The following TNRC6A variants were observed in gnomAD, a reference collection of about 807,000 sequenced individuals.
TNRC6A encodes trinucleotide repeat containing adaptor 6A.
A neutral mutation model predicts 221.2 loss-of-function variants in TNRC6A; 44 were observed. The observed-to-expected ratio is 0.20, with a 90% confidence interval of 0.16 to 0.26. TNRC6A has a LOEUF of 0.26. TNRC6A is among the 10% of genes least tolerant of loss of function. The probability of loss-of-function intolerance (pLI) is 1.00; values close to 1 mark genes in which losing one functional copy is unlikely to be tolerated. For synonymous variants in TNRC6A, 847 were observed against 838.5 expected (o/e 1.01, Z -0.18); for missense variants, 2,199 against 2,404.4 (o/e 0.91, Z 1.79).
At chr16:24,708,995 G>A (rs2056152486) in intron 2 of TNRC6A, among the ~76,000 whole-genome samples, 1 of 152,122 alleles carries the variant, frequency 6.6e-6, no homozygotes, top group South Asian at 2.1e-4. Context: ...AGTGGCTCAC[G>A]CCTGTAATCC....
At chr16:24,683,193 G>A (rs2055566557) in intron 2 of TNRC6A, among the ~76,000 whole-genome samples, 1 of 151,866 alleles carries the variant, frequency 6.6e-6, no homozygotes, top group Non-Finnish European at 1.5e-5. Context: ...GTGTTTTTTT[G>A]TTGTTGTTAC....
chr16:24,717,567 C>A (rs562262774), intron 2 of TNRC6A, among the ~76,000 whole-genome samples: 1 of 152,178 alleles, frequency 6.6e-6, no homozygotes, highest in African/African-American at 2.4e-5. Context: ...CAGGCCCGAG[C>A]ATCATGGAAA....
intron 2 of TNRC6A, among the ~76,000 whole-genome samples, chr16:24,743,882 A>G (rs572115289): frequency 6.3e-4 from 96 of 152,326 alleles, no homozygotes; most frequent in African/African-American, 2.3e-3. Context: ...CACAGTCTTA[A>G]TAGCAGATCT....
intron 1 of TNRC6A, among the ~76,000 whole-genome samples, chr16:24,639,831 G>GT (rs2141742255): frequency 6.6e-6 from 1 of 152,078 alleles, no homozygotes; most frequent in East Asian, 1.9e-4. Flanking sequence ...TTGTTTGTCT[G>GT]TTTTTTGTAG....
chr16:24,782,618 C>T (rs930673026), intron 5 of TNRC6A, among the ~76,000 whole-genome samples: 2 of 152,190 alleles, frequency 1.3e-5, no homozygotes, highest in Non-Finnish European at 2.9e-5. Context: ...TGGCTCATGC[C>T]TGTAATCCCA....
chr16:24,692,797 G>C (rs1242918018), intron 2 of TNRC6A, among the ~76,000 whole-genome samples: 1 of 151,820 alleles, frequency 6.6e-6, no homozygotes, highest in Non-Finnish European at 1.5e-5. Context: ...ATTTACACAA[G>C]AGGCAGTCAA....
intron 18 of TNRC6A, among the ~76,000 whole-genome samples, chr16:24,814,409 C>CTTTTTTTCA (rs1289848452): frequency 8.6e-6 from 1 of 116,766 alleles, no homozygotes; most frequent in South Asian, 2.6e-4. Context: ...TTTTTTTTTT[C>CTTTTTTTCA]TTTTTTTTTT....
intron 21 of TNRC6A, among the ~76,000 whole-genome samples, chr16:24,819,316 C>G (rs190178211): frequency 6.6e-6 from 1 of 152,140 alleles, no homozygotes; most frequent in African/African-American, 2.4e-5. Flanking sequence ...TCCCCTCATG[C>G]TTTTAGCATG....
At chr16:24,753,511 A>G (rs1037356278) in intron 3 of TNRC6A, among the ~76,000 whole-genome samples, 1 of 152,210 alleles carries the variant, frequency 6.6e-6, no homozygotes, top group Admixed American at 6.5e-5. Context: ...TTTGAATACA[A>G]CCTGTCGGTG....
At chr16:24,634,158 G>A (rs918481895) in intron 1 of TNRC6A, among the ~76,000 whole-genome samples, 1 of 152,030 alleles carries the variant, frequency 6.6e-6, no homozygotes, top group Admixed American at 6.6e-5. Context: ...TTCAAAATTG[G>A]GCTGGGCGCA....
intron 1 of TNRC6A, among the ~76,000 whole-genome samples, chr16:24,632,894 A>G (rs1482280976): frequency 6.6e-6 from 1 of 151,826 alleles, no homozygotes; most frequent in Admixed American, 6.6e-5. Flanking sequence ...ATGTAATCCC[A>G]GCTACTTAGG....
chr16:24,675,702 CTATATATATATATATATATA>C (rs60165161), intron 2 of TNRC6A, among the ~76,000 whole-genome samples: 23 of 33,268 alleles, frequency 6.9e-4, no homozygotes, highest in African/African-American at 2.3e-3. Flanking sequence ...CTCTCTCTCT[CTATATATATATATATATATA>C]TATATATATA....
Position 24,823,359 on chromosome 16 carries a change from ACC to A in TNRC6A, c.5514-71_5514-70del. 6.6e-7 allele frequency: 1 copy of A among 1,513,208 alleles called. No homozygotes were observed. The highest frequency in any genetic ancestry group is 8.9e-7 in the Non-Finnish European group (1 of 1,125,098). The allele number at this position is 1,513,208 out of a possible 1,614,324, so 93.7% of individuals were successfully genotyped here. Reference sequence around the variant, plus strand: ...GGCTTTTCTAGCAGAGACAAGTTGCACCCTCACTTGTGAGTGAATGAAGCCCT... The same window carrying A: ...GGCTTTTCTAGCAGAGACAAGTTGCACTCACTTGTGAGTGAATGAAGCCCT... On this transcript the variant is annotated intron_variant, in intron 24 of 24. Coordinates refer to ENST00000395799, the MANE Select transcript of TNRC6A (RefSeq NM_014494.4). This position sits in a 1 kb window ranked among gnomAD's most constrained non-coding sequence, Gnocchi z 4.3.
At chr16:24,665,702 C>T (rs566850495) in intron 2 of TNRC6A, among the ~76,000 whole-genome samples, 1 of 152,308 alleles carries the variant, frequency 6.6e-6, no homozygotes, top group East Asian at 1.9e-4. Flanking sequence ...ACTCCCTTCC[C>T]AGTTATGACA....
chr16:24,716,896 G>A (rs917574951), intron 2 of TNRC6A, among the ~76,000 whole-genome samples: 2 of 150,090 alleles, frequency 1.3e-5, no homozygotes, highest in Non-Finnish European at 2.9e-5. Context: ...GGCAGAGGTT[G>A]CGGTGAGCCA....
chr16:24,789,662 T>C lies in TNRC6A; in HGVS notation c.1020T>C (p.Asn340=), dbSNP rs1286033781. The C allele has an allele frequency of 3.7e-6, 6 of 1,614,018 alleles. No individual in the cohort carries two copies. The African/African-American group carries it at 5.3e-5, about 14-fold the overall frequency. ...APESKSESSN[N]RMNAWGTVSS... ...AAAGCAAATCTGAAAGTAGCAACAATAGAATGAATGCTTGGGGCACTGTAA... is the reference window on the plus strand; with the variant it reads ...AAAGCAAATCTGAAAGTAGCAACAACAGAATGAATGCTTGGGGCACTGTAA... The change falls in exon 6 of 25, where the codon AAT becomes AAC. Residue 340 remains asparagine (N), a synonymous_variant. Transcript: ENST00000395799.
At chr16:24,773,798 T>G (rs958145546) in intron 4 of TNRC6A, among the ~76,000 whole-genome samples, 2 of 152,170 alleles carry the variant, frequency 1.3e-5, no homozygotes, top group Non-Finnish European at 2.9e-5. Context: ...GAATTTTGTC[T>G]GATATCAATA....
intron 1 of TNRC6A, among the ~76,000 whole-genome samples, chr16:24,617,221 GC>G (rs1274042889): frequency 4.0e-5 from 6 of 151,850 alleles, no homozygotes; most frequent in African/African-American, 1.5e-4. Context: ...CCACTCCTGG[GC>G]TCAGGTGATC....
chr16:24,814,409 CTT>C (rs1174753134), intron 18 of TNRC6A, among the ~76,000 whole-genome samples: 2 of 116,764 alleles, frequency 1.7e-5, no homozygotes, highest in East Asian at 2.4e-4. Flanking sequence ...TTTTTTTTTT[CTT>C]TTTTTTTTTT....
Sources: allele counts gnomAD v4.1 joint callset (sites outside exome capture counted in the v4.1 genomes callset), GRCh38; gene constraint gnomAD v4.1.1; non-coding constraint Gnocchi (gnomAD v3.1); transcripts MANE v1.5; gene names NCBI Gene and HGNC (gene_info 2026-07-23, HGNC 2026-07-21).